The following ASCC3 variants were observed in gnomAD, a reference collection of about 807,000 sequenced individuals.
ASCC3 encodes activating signal cointegrator 1 complex subunit 3, also known as ASC-1 complex subunit P200.
ASCC3 carries 158 observed loss-of-function variants against 256.3 expected under a neutral mutation model. That is an observed-to-expected ratio of 0.62 (90% CI 0.54 to 0.70). The LOEUF is 0.70. ASCC3 is among the 30% of genes least tolerant of loss of function. The pLI, the probability that ASCC3 is intolerant of heterozygous loss-of-function variation, is 0.00. For synonymous variants in ASCC3, 948 were observed against 883.4 expected (o/e 1.07, Z -1.30); for missense variants, 2,259 against 2,626.0 (o/e 0.86, Z 3.05).
At chr6:100,589,507 G>GT (rs1771878042) in intron 36 of ASCC3, 127 bp downstream of exon 36, 1 of 1,094,110 alleles carries the variant, frequency 9.1e-7, no homozygotes, top group African/African-American at 1.6e-5. Flanking sequence ...GTGTTGCTTT[G>GT]TAGTGACCTT....
Position 100,646,673 on chromosome 6 carries a change from G to C in ASCC3, c.3575C>G (p.Thr1192Arg). ...GAGTGTCACTCGGAGGACAGTCCTT[G>C]TGATAGGCTGAATGGATGCTTCCAT... The part of the protein sequence containing the change: ...VMMEASIQPI[T>R]RTVLRVTLSI... The change falls in exon 22 of 42, where the codon ACA becomes AGA. Residue 1192 changes from threonine (T) to arginine (R), a missense_variant. Transcript: ENST00000369162. 6.2e-7 allele frequency: 1 copy of C among 1,613,936 alleles called. No individual in the cohort carries two copies. The highest frequency in any genetic ancestry group is 8.5e-7 in the Non-Finnish European group (1 of 1,179,890).
At chr6:100,716,064 T>C (rs918850971) in intron 12 of ASCC3, among the ~76,000 whole-genome samples, 6 of 151,788 alleles carry the variant, frequency 4.0e-5, no homozygotes, top group African/African-American at 1.4e-4. Context: ...TACAGAAACA[T>C]TTTTCAGATT....
chr6:100,520,657 T>C (rs764707022), intron 37 of ASCC3, among the ~76,000 whole-genome samples: 1 of 152,166 alleles, frequency 6.6e-6, no homozygotes, highest in South Asian at 2.1e-4. Flanking sequence ...ATATACTCTG[T>C]AACTAACTTT....
At chr6:100,820,199 TGAA>T (rs1770968113) in intron 4 of ASCC3, among the ~76,000 whole-genome samples, 1 of 152,112 alleles carries the variant, frequency 6.6e-6, no homozygotes, top group South Asian at 2.1e-4. Context: ...AAAATAAACT[TGAA>T]GAGAACAAAG....
In ASCC3 at chr6:100,767,444, A is replaced by G. The variant is rs1427395662; in HGVS notation, c.1396-99T>C. 1.1e-5 allele frequency: 14 copies of G among 1,268,088 alleles called. No homozygotes were observed. In the Admixed American group the frequency reaches 2.6e-4, roughly 23 times the overall value. The allele number at this position is 1,268,088 out of a possible 1,614,324, so 78.6% of individuals were successfully genotyped here. The stretch of plus-strand genomic sequence containing the variant: ...ATTTATTTCCTTTGTTTTTTAAAAA[A>G]AAGACTAATTTGTACTTTCACAATG... On this transcript the variant is annotated intron_variant, in intron 8 of 41. Transcript: ENST00000369162.
intron 37 of ASCC3, among the ~76,000 whole-genome samples, chr6:100,528,586 A>G (rs751037138): frequency 2.2e-4 from 33 of 152,196 alleles, no homozygotes; most frequent in Non-Finnish European, 4.1e-4. Flanking sequence ...TGCTCATCCT[A>G]TGGAGTAGTC....
Position 100,606,741 on chromosome 6 carries a change from T to A in ASCC3, c.5043A>T (p.Thr1681=). The part of the protein sequence containing the change: ...KTRRYVDFPI[T]DVLQMMGRAG... ...TTTCTGTGAATTTAAGAAAATTACC[T>A]GTAATGGGAAAATCCACATAACGTC... Residue 1681 remains threonine, a splice_region_variant and synonymous_variant, in exon 32 of 42, where the codon ACA becomes ACT. Transcript: ENST00000369162. The A allele has an allele frequency of 6.3e-7, 1 of 1,594,276 alleles. No homozygotes were observed.
At chr6:100,681,399 T>A (rs1366756412) in intron 13 of ASCC3, among the ~76,000 whole-genome samples, 3 of 152,142 alleles carry the variant, frequency 2.0e-5, no homozygotes, top group Non-Finnish European at 2.9e-5. Flanking sequence ...ACTTATTTAC[T>A]GATACTAATA....
chr6:100,576,429 G>A (rs1770864100), intron 36 of ASCC3, among the ~76,000 whole-genome samples: 1 of 151,794 alleles, frequency 6.6e-6, no homozygotes, highest in African/African-American at 2.4e-5. Context: ...TTTCTTACAT[G>A]TCAATGCTTT....
intron 8 of ASCC3, among the ~76,000 whole-genome samples, chr6:100,784,623 A>C (rs182352326): frequency 1.4e-4 from 22 of 152,210 alleles, no homozygotes; most frequent in Middle Eastern, 3.4e-3. Context: ...ATGCCACAAA[A>C]TAGTAGCTAA....
At position 100,606,838 on chromosome 6, in the gene ASCC3, A is replaced by G; in HGVS notation, c.4946T>C (p.Leu1649Ser). ...KVQVLIATST[L>S]AWGVNFPAHL... ...AGCTGGAAAGTTTACACCCCAGGCT[A>G]ATGTGCTTGTAGCAATAAGAACCTA... The change falls in exon 32 of 42, where the codon TTA becomes TCA. Residue 1649 changes from leucine to serine, a missense_variant. Leu to Ser is a moderately radical substitution (Grantham distance 145). Coordinates refer to ENST00000369162, the MANE Select transcript of ASCC3 (RefSeq NM_006828.4). 1 of 1,612,242 alleles carries G rather than the reference A, an allele frequency of 6.2e-7. No individual in the cohort carries two copies. The highest frequency in any genetic ancestry group is 2.2e-5 in the East Asian group (1 of 44,740).
chr6:100,864,032 TAA>T (rs201325406), intron 3 of ASCC3, 30 bp downstream of exon 3: 119 of 1,191,694 alleles, frequency 1.0e-4, no homozygotes, highest in South Asian at 1.5e-4. Context: ...TGGTTCTCTT[TAA>T]AAAAAAAAAA....
chr6:100,729,831 GTACT>G lies in ASCC3; in HGVS notation c.1738-4132_1738-4129del, dbSNP rs776874703. Among the ~76,000 whole-genome samples the G allele has an allele frequency of 4.3e-4, 66 of 152,216 alleles. 1 individual carries two copies. In the East Asian group the frequency reaches 5.4e-3, roughly 12 times the overall value. On this transcript the variant is annotated intron_variant, in intron 10 of 41. Coordinates refer to ENST00000369162, the MANE Select transcript of ASCC3 (RefSeq NM_006828.4). ...TTTAAAATTGATTTTGAAATTTTTAGTACTTAGACTGTAGAAAACCGGGAGCAAA... is the reference window on the plus strand; with the variant it reads ...TTTAAAATTGATTTTGAAATTTTTAGTAGACTGTAGAAAACCGGGAGCAAA...
rs180757612 is a variant in ASCC3, at chr6:100,716,742, C to T, written c.2080-1209G>A. Among the ~76,000 whole-genome samples the T allele has an allele frequency of 4.5e-4, 68 of 151,916 alleles. 1 individual carries two copies. The highest frequency in any genetic ancestry group is 1.5e-3 in the African/African-American group (64 of 41,500). On this transcript the variant is annotated intron_variant, in intron 12 of 41. Coordinates refer to ENST00000369162, the MANE Select transcript of ASCC3 (RefSeq NM_006828.4). ...ATTCCTTTCATGATTATGATGGTAA[C>T]GTACTGTAGTGAAATATACTTTGGA...
chr6:100,709,933 T>C (rs1778787281), intron 13 of ASCC3, among the ~76,000 whole-genome samples: 1 of 152,176 alleles, frequency 6.6e-6, no homozygotes, highest in Admixed American at 6.5e-5. Context: ...TATGTAGGTA[T>C]TTCTACAAAA....
intron 4 of ASCC3, among the ~76,000 whole-genome samples, chr6:100,812,279 G>A (rs991055539): frequency 2.0e-5 from 3 of 152,054 alleles, no homozygotes; most frequent in African/African-American, 7.2e-5. Flanking sequence ...GGCATGTAAA[G>A]AAATGGAGAA....
chr6:100,622,459 T>C (rs1046791803), intron 30 of ASCC3, among the ~76,000 whole-genome samples: 1 of 152,010 alleles, frequency 6.6e-6, no homozygotes, highest in African/African-American at 2.4e-5. Flanking sequence ...GATGGTAAGT[T>C]TCCTGAAACC....
In ASCC3 at chr6:100,608,118, C is replaced by CTATATATACATATATATGTATATATG. The variant is rs1773048020; in HGVS notation, c.4786-1031_4786-1030insCATATATACATATATATGTATATATA. On this transcript the variant is annotated intron_variant, in intron 30 of 41. Coordinates refer to ENST00000369162, the MANE Select transcript of ASCC3 (RefSeq NM_006828.4). ...TATACACATATATATGTATATATATCTATATATACATATATATGTATATAT... is the reference window on the plus strand; with the variant it reads ...TATACACATATATATGTATATATATCTATATATACATATATATGTATATATGTATATATACATATATATGTATATAT... Among the ~76,000 whole-genome samples the CTATATATACATATATATGTATATATG allele has an allele frequency of 6.2e-3, 144 of 23,356 alleles. 4 individuals carry two copies. Among genetic ancestry groups the CTATATATACATATATATGTATATATG allele is most frequent in the African/African-American group, 0.016 (132 of 8,320 alleles). The allele number at this position is 23,356 out of a possible 152,430, so 15.3% of individuals were successfully genotyped here.
At chr6:100,799,403 G>A (rs1470784554) in intron 7 of ASCC3, 28 bp downstream of exon 7, 3 of 1,607,338 alleles carry the variant, frequency 1.9e-6, no homozygotes, top group East Asian at 2.2e-5. Context: ...ACATATTATT[G>A]AACAGTAGTT....
Sources: gnomAD v4.1 joint callset for allele counts (sites outside exome capture counted in the v4.1 genomes callset) on GRCh38, gnomAD v4.1.1 for gene constraint, MANE v1.5 for transcripts, NCBI Gene and HGNC (gene_info 2026-07-23, HGNC 2026-07-21) for gene names.